Variants in PRDM5 observed in about 807,000 individuals in gnomAD.
The protein encoded by PRDM5 is PR domain zinc finger protein 5.
Under a neutral mutation model 81.2 loss-of-function variants are expected in PRDM5, and 56 were observed. That is an observed-to-expected ratio of 0.69 (90% CI 0.56 to 0.86). The LOEUF is 0.86. Among genes scored for constraint, PRDM5 ranks in the 40% least tolerant of loss-of-function variants. The pLI is 0.00. For synonymous variants in PRDM5, 267 were observed against 256.4 expected, an observed-to-expected ratio of 1.04 and a Z score of -0.39; for missense variants, 697 against 770.1, an observed-to-expected ratio of 0.91 and a Z score of 1.12.
intron 11 of PRDM5, among the ~76,000 whole-genome samples, chr4:120,784,551 AG>A (rs1196743876): frequency 6.6e-6 from 1 of 152,118 alleles, no homozygotes; most frequent in Non-Finnish European, 1.5e-5. Flanking sequence ...CCTCAAATTA[AG>A]GTGTCCGATT....
intron 2 of PRDM5, among the ~76,000 whole-genome samples, chr4:120,886,440 C>A (rs2148605961): frequency 6.6e-6 from 1 of 152,216 alleles, no homozygotes; most frequent in East Asian, 1.9e-4. Flanking sequence ...AACATGTAAA[C>A]AAAATGTCCA....
At chr4:120,819,413 T>G (rs550389615) in intron 4 of PRDM5, among the ~76,000 whole-genome samples, 2 of 150,538 alleles carry the variant, frequency 1.3e-5, no homozygotes, top group Admixed American at 1.4e-4. Context: ...TAAATAAAAC[T>G]AAGAATTCTA....
At chr4:120,698,775 T>C (rs1734888450) in intron 15 of PRDM5, among the ~76,000 whole-genome samples, 1 of 152,126 alleles carries the variant, frequency 6.6e-6, no homozygotes, top group African/African-American at 2.4e-5. Context: ...CTTCCTCATC[T>C]GATCTAATCA....
At chr4:120,862,051 T>C (rs1760667762) in intron 2 of PRDM5, among the ~76,000 whole-genome samples, 1 of 152,158 alleles carries the variant, frequency 6.6e-6, no homozygotes, top group Admixed American at 6.5e-5. Context: ...CCTCAAAATG[T>C]ACATAACTTG....
intron 2 of PRDM5, among the ~76,000 whole-genome samples, chr4:120,882,677 T>C (rs1236859437): frequency 6.6e-6 from 1 of 152,214 alleles, no homozygotes; most frequent in African/African-American, 2.4e-5. Flanking sequence ...ATCTACAATC[T>C]ACAAAGGTAT....
intron 1 of PRDM5, among the ~76,000 whole-genome samples, chr4:120,921,654 G>T (rs1724933559): frequency 6.6e-6 from 1 of 152,150 alleles, no homozygotes; most frequent in African/African-American, 2.4e-5. Context: ...AGAAAAGGGG[G>T]CGAGGACGGC....
At chr4:120,896,874 G>A (rs887897961) in intron 2 of PRDM5, 2 of 151,984 alleles carry the variant, frequency 1.3e-5, no homozygotes, top group African/African-American at 2.4e-5. Flanking sequence ...TAGTAGAGAC[G>A]GGGTTTCATC....
In PRDM5 at chr4:120,796,682, C is replaced by T. The variant is rs371785354; in HGVS notation, c.1188+1585G>A. 3.9e-4 allele frequency among the ~76,000 whole-genome samples: 60 copies of T among 152,178 alleles called. No individual in the cohort carries two copies. The South Asian group carries it at 0.011, about 27-fold the overall frequency. ...TGGTAAGGAAGAAATTAGGCAGAGA[C>T]GATTTAAGACACTATAATCAACACT... On this transcript the variant is annotated intron_variant, in intron 10 of 15. Coordinates refer to ENST00000264808, the MANE Select transcript of PRDM5 (RefSeq NM_018699.4).
intron 12 of PRDM5, among the ~76,000 whole-genome samples, chr4:120,780,042 G>C (rs1748817150): frequency 6.6e-6 from 1 of 151,908 alleles, no homozygotes; most frequent in Non-Finnish European, 1.5e-5. Flanking sequence ...CAATCCTTTT[G>C]AAACAGTTGT....
intron 14 of PRDM5, among the ~76,000 whole-genome samples, chr4:120,739,484 T>C (rs747961082): frequency 6.6e-6 from 1 of 152,208 alleles, no homozygotes; most frequent in African/African-American, 2.4e-5. Context: ...GCAGATACCA[T>C]TTAAAAAACT....
downstream of PRDM5, among the ~76,000 whole-genome samples, chr4:120,690,445 C>G (rs1733998043): frequency 6.6e-6 from 1 of 152,016 alleles, no homozygotes; most frequent in Admixed American, 6.6e-5. Flanking sequence ...GAAAAGCACT[C>G]AATTCAGTGC....
chr4:120,712,998 T>C (rs930673809), intron 14 of PRDM5, among the ~76,000 whole-genome samples: 5 of 152,214 alleles, frequency 3.3e-5, no homozygotes, highest in Non-Finnish European at 7.3e-5. Context: ...TCAACTTTTC[T>C]ATGAATAAAC....
intron 14 of PRDM5, among the ~76,000 whole-genome samples, chr4:120,724,849 G>A (rs1739157599): frequency 6.6e-6 from 1 of 152,172 alleles, no homozygotes; most frequent in Non-Finnish European, 1.5e-5. Context: ...GTCAACAGGT[G>A]AAACAAAACC....
intron 5 of PRDM5, 196 bp downstream of exon 5, chr4:120,818,157 A>C (rs1211116105): frequency 3.5e-6 from 2 of 564,820 alleles, no homozygotes; most frequent in Non-Finnish European, 6.2e-6. Context: ...GAATATTTTA[A>C]TAATCAACAT....
At chr4:120,888,388 T>C (rs1763696539) in intron 2 of PRDM5, among the ~76,000 whole-genome samples, 1 of 152,246 alleles carries the variant, frequency 6.6e-6, no homozygotes, top group Non-Finnish European at 1.5e-5. Flanking sequence ...CCATTTTCTC[T>C]AGCTTATTTC....
intron 8 of PRDM5, 119 bp from the exon 9 acceptor site, chr4:120,799,864 C>A: frequency 6.7e-7 from 1 of 1,485,698 alleles, no homozygotes; most frequent in Non-Finnish European, 9.0e-7. Flanking sequence ...CTATATATTA[C>A]AATTCAGCCC....
At chr4:120,806,424 C>T (rs1200495980) in intron 8 of PRDM5, among the ~76,000 whole-genome samples, 1 of 152,176 alleles carries the variant, frequency 6.6e-6, no homozygotes, top group Non-Finnish European at 1.5e-5. Flanking sequence ...AAGCTGGAGG[C>T]ATCACCCTAC....
intron 2 of PRDM5, among the ~76,000 whole-genome samples, chr4:120,894,109 C>A (rs918126076): frequency 3.3e-5 from 5 of 152,054 alleles, no homozygotes; most frequent in Admixed American, 1.3e-4. Flanking sequence ...CATTCCTTGC[C>A]TTCTTTTTGG....
At chr4:120,899,360 G>C (rs773657259) in intron 2 of PRDM5, among the ~76,000 whole-genome samples, 60 of 152,226 alleles carry the variant, frequency 3.9e-4, no homozygotes, top group Middle Eastern at 6.8e-3. Context: ...GTCTGAATTA[G>C]GCCATAATTC....
Sources: gnomAD v4.1 joint callset for allele counts (sites outside exome capture counted in the v4.1 genomes callset) on GRCh38, gnomAD v4.1.1 for gene constraint, MANE v1.5 for transcripts, NCBI Gene and HGNC (gene_info 2026-07-23, HGNC 2026-07-21) for gene names.